The following GUCY1B1 variants were observed in gnomAD, a reference collection of about 807,000 sequenced individuals.
GUCY1B1 encodes guanylate cyclase soluble subunit beta-1.
In GUCY1B1, 43 loss-of-function variants were observed where a neutral mutation model predicts 71.0. That is an observed-to-expected ratio of 0.61 (90% CI 0.47 to 0.78). The LOEUF is 0.78. GUCY1B1 is among the 30% of genes least tolerant of loss of function. The pLI is 0.00. For synonymous variants in GUCY1B1, 266 were observed against 259.7 expected (o/e 1.02, Z -0.23); for missense variants, 535 against 754.1 (o/e 0.71, Z 3.40).
chr4:155,793,715 A>T (rs1409576927), intron 5 of GUCY1B1, 141 bp from the exon 6 acceptor site: 21 of 572,348 alleles, frequency 3.7e-5, no homozygotes, highest in Non-Finnish European at 5.7e-5. Flanking sequence ...TATTTTAGAC[A>T]TATGGAGTAT....
chr4:155,790,014 C>A, intron 5 of GUCY1B1, 103 bp downstream of exon 5: 2 of 764,538 alleles, frequency 2.6e-6, no homozygotes, highest in South Asian at 1.8e-5. Context: ...AGTGCTCTTC[C>A]CTGGAAGTAT....
At chr4:155,795,036 G>T (rs1579244790) in intron 6 of GUCY1B1, among the ~76,000 whole-genome samples, 1 of 152,120 alleles carries the variant, frequency 6.6e-6, no homozygotes, top group African/African-American at 2.4e-5. Flanking sequence ...CATTTTAAAA[G>T]ATAAATTTTC....
At chr4:155,782,725 T>C (rs1179959826) in intron 4 of GUCY1B1, among the ~76,000 whole-genome samples, 1 of 152,174 alleles carries the variant, frequency 6.6e-6, no homozygotes, top group Non-Finnish European at 1.5e-5. Context: ...AAGTGAGATA[T>C]TTAAACTTCC....
chr4:155,781,989 AC>A (rs1469406423), intron 4 of GUCY1B1, among the ~76,000 whole-genome samples: 1 of 152,264 alleles, frequency 6.6e-6, no homozygotes, highest in African/African-American at 2.4e-5. Context: ...TAGTTTTTCC[AC>A]TTTTTTATTC....
At chr4:155,772,402 G>T (rs1320942587) in intron 2 of GUCY1B1, among the ~76,000 whole-genome samples, 1 of 152,078 alleles carries the variant, frequency 6.6e-6, no homozygotes, top group African/African-American at 2.4e-5. Flanking sequence ...GAGAGGTTTT[G>T]TTTGTTTGTT....
intron 2 of GUCY1B1, among the ~76,000 whole-genome samples, chr4:155,772,355 T>C (rs1188203708): frequency 6.6e-6 from 1 of 152,212 alleles, no homozygotes; most frequent in Non-Finnish European, 1.5e-5. Flanking sequence ...TTTACTGTTG[T>C]GAAAGGTGAA....
Position 155,802,198 on chromosome 4 carries a change from T to C in GUCY1B1, c.1176-144T>C. 4 of 1,485,134 alleles carry C rather than the reference T, an allele frequency of 2.7e-6. No individual in the cohort carries two copies. The highest frequency in any genetic ancestry group is 3.6e-6 in the Non-Finnish European group (4 of 1,119,264). The allele number at this position is 1,485,134 out of a possible 1,614,324, so 92.0% of individuals were successfully genotyped here. A position where few individuals can be genotyped will look rare whatever the true frequency, so the allele number is the denominator to read the frequency against. ...CTTGCTTATAAATACAGCTAATATT[T>C]GATGCTAATTTTAGAGGATGTCCTG... On this transcript the variant is annotated intron_variant, in intron 9 of 13. Coordinates refer to ENST00000264424, the MANE Select transcript of GUCY1B1 (RefSeq NM_000857.5). The surrounding 1 kb of genome is among the most constrained non-coding windows in gnomAD (Gnocchi z 4.3).
At chr4:155,792,095 A>C (rs540395216) in intron 5 of GUCY1B1, among the ~76,000 whole-genome samples, 2 of 152,176 alleles carry the variant, frequency 1.3e-5, no homozygotes, top group African/African-American at 4.8e-5. Context: ...TTTGCATTTT[A>C]TAGGTATATT....
chr4:155,768,129 G>A (rs1737461770), intron 2 of GUCY1B1, among the ~76,000 whole-genome samples: 1 of 152,104 alleles, frequency 6.6e-6, no homozygotes, highest in South Asian at 2.1e-4. Context: ...TTGAGATTAT[G>A]TTTTCAACAT....
At chr4:155,797,271 G>A (rs990332600) in intron 8 of GUCY1B1, among the ~76,000 whole-genome samples, 5 of 152,062 alleles carry the variant, frequency 3.3e-5, no homozygotes, top group Non-Finnish European at 7.4e-5. Flanking sequence ...AGTCAAGAAG[G>A]CATGTTTTGG....
intron 4 of GUCY1B1, among the ~76,000 whole-genome samples, chr4:155,788,815 A>G (rs1738966878): frequency 6.6e-6 from 1 of 152,190 alleles, no homozygotes; most frequent in Admixed American, 6.5e-5. Context: ...CTTAATTCCT[A>G]TACCATGCTG....
At chr4:155,766,508 A>G (rs946114256) in intron 2 of GUCY1B1, among the ~76,000 whole-genome samples, 1 of 152,132 alleles carries the variant, frequency 6.6e-6, no homozygotes, top group African/African-American at 2.4e-5. Flanking sequence ...GTTAACTGTA[A>G]TTGTTCATTG....
Position 155,789,826 on chromosome 4 carries a change from C to T in GUCY1B1, c.410C>T (p.Ser137Leu). The change falls in exon 5 of 14, where the codon TCA (serine) becomes TTA (leucine). Residue 137 changes from serine (S) to leucine (L), a missense_variant. By Grantham distance (145) the Ser-to-Leu change is moderately radical. Coordinates refer to ENST00000264424, the MANE Select transcript of GUCY1B1 (RefSeq NM_000857.5). The stretch of plus-strand genomic sequence containing the variant: ...AAAGGACTCATTTTGCACTACTACT[C>T]AGAGAGAGAAGGACTTCAGGATATT... ...KGKGLILHYY[S>L]EREGLQDIVI... 6.2e-7 allele frequency: 1 copy of T among 1,611,280 alleles called. No individual in the cohort carries two copies. The highest frequency in any genetic ancestry group is 8.5e-7 in the Non-Finnish European group (1 of 1,177,494).
chr4:155,803,739 T>A lies in GUCY1B1; in HGVS notation c.1529T>A (p.Val510Asp). The A allele has an allele frequency of 6.3e-7, 1 of 1,596,618 alleles. No individual in the cohort carries two copies. Among genetic ancestry groups the A allele is most frequent in the Non-Finnish European group, 8.5e-7 (1 of 1,171,752 alleles). The change falls in exon 11 of 14, where the codon GTT becomes GAT. Residue 510 changes from valine (V) to aspartate (D), a missense_variant. By Grantham distance (152) the Val-to-Asp change is radical. Coordinates refer to ENST00000264424, the MANE Select transcript of GUCY1B1 (RefSeq NM_000857.5). ...ALDMMEIAGQVQVDGESVQIT... is the reference protein window; with the variant it reads ...ALDMMEIAGQDQVDGESVQIT... ...GACATGATGGAAATTGCTGGCCAGG[T>A]TCAAGTAGATGGTGAATCTGTTCAG...
chr4:155,806,083 G>A (rs534015248), intron 13 of GUCY1B1, among the ~76,000 whole-genome samples: 2 of 152,138 alleles, frequency 1.3e-5, no homozygotes, highest in Non-Finnish European at 2.9e-5. Flanking sequence ...AACTTCTAAA[G>A]GGAATAGAAT....
At chr4:155,783,237 G>A (rs1377470735) in intron 4 of GUCY1B1, among the ~76,000 whole-genome samples, 4 of 152,166 alleles carry the variant, frequency 2.6e-5, no homozygotes, top group Admixed American at 2.6e-4. Context: ...GGGAATAGGA[G>A]CCATGTCAGT....
intron 4 of GUCY1B1, among the ~76,000 whole-genome samples, chr4:155,786,631 T>A (rs1267160605): frequency 1.3e-5 from 2 of 151,604 alleles, no homozygotes; most frequent in Non-Finnish European, 2.9e-5. Context: ...CGCCACACCC[T>A]GCTAATTTCT....
intron 2 of GUCY1B1, among the ~76,000 whole-genome samples, chr4:155,768,654 C>T (rs1372620172): frequency 6.6e-6 from 1 of 152,004 alleles, no homozygotes; most frequent in East Asian, 1.9e-4. Flanking sequence ...CCAAACACCA[C>T]CACTATAAAA....
In GUCY1B1 at chr4:155,797,283, G is replaced by A. The variant is rs967444990; in HGVS notation, c.977+773G>A. ...CACAGTCAAGAAGGCATGTTTTGGT[G>A]AGCTATTGGTTAAAAATTTAATCTG... is the stretch of plus-strand genomic sequence containing the variant. On this transcript the variant is annotated intron_variant, in intron 8 of 13. Coordinates refer to ENST00000264424, the MANE Select transcript of GUCY1B1 (RefSeq NM_000857.5). Among the ~76,000 whole-genome samples the A allele has an allele frequency of 1.4e-4, 21 of 152,230 alleles. No homozygotes were observed. In the South Asian group the frequency reaches 2.5e-3, roughly 18 times the overall value.
Sources: gnomAD v4.1 joint callset for allele counts (sites outside exome capture counted in the v4.1 genomes callset) on GRCh38, gnomAD v4.1.1 for gene constraint, Gnocchi (gnomAD v3.1) non-coding constraint, MANE v1.5 for transcripts, NCBI Gene and HGNC (gene_info 2026-07-23, HGNC 2026-07-21) for gene names.